The following PPP2R5E variants were observed in gnomAD, a reference collection of about 807,000 sequenced individuals.
The protein encoded by PPP2R5E is protein phosphatase 2 regulatory subunit B'epsilon.
In PPP2R5E, 4 loss-of-function variants were observed where a neutral mutation model predicts 65.3. The ratio of observed to expected loss-of-function variants is 0.06; its 90% CI spans 0.03 to 0.14. The LOEUF (loss-of-function observed/expected upper bound fraction) is 0.14, where lower values mean the gene tolerates loss of function less well. PPP2R5E is among the 10% of genes least tolerant of loss of function. PPP2R5E has a pLI of 1.00. For synonymous variants in PPP2R5E, 183 were observed against 187.4 expected (o/e 0.98, Z 0.19); for missense variants, 274 against 556.1 (o/e 0.49, Z 5.10).
chr14:63,422,729 TAAAAAAAAAAAAA>T (rs567590182), intron 3 of PPP2R5E, among the ~76,000 whole-genome samples: 15,660 of 88,494 alleles, frequency 0.18, 1,303 homozygotes, highest in African/African-American at 0.32. Flanking sequence ...TCCGTCTATT[TAAAAAAAAAAAAA>T]AAAAAAAAAA....
At chr14:63,429,934 T>C (rs960289152) in intron 3 of PPP2R5E, among the ~76,000 whole-genome samples, 2 of 152,100 alleles carry the variant, frequency 1.3e-5, no homozygotes, top group Non-Finnish European at 2.9e-5. Context: ...TCCACCCGCC[T>C]TGGCCTCCCA....
At chr14:63,521,438 G>C (rs552028430) in intron 2 of PPP2R5E, among the ~76,000 whole-genome samples, 49 of 152,328 alleles carry the variant, frequency 3.2e-4, no homozygotes, top group African/African-American at 1.1e-3. Context: ...GGAGGCGGAG[G>C]CGGGCAGACC....
chr14:63,512,009 G>C (rs982250244), intron 2 of PPP2R5E, among the ~76,000 whole-genome samples: 3 of 147,844 alleles, frequency 2.0e-5, no homozygotes, highest in African/African-American at 7.6e-5. Context: ...AACCTGGAAG[G>C]CAGAGGTTGC....
At chr14:63,506,465 T>C (rs990124891) in intron 2 of PPP2R5E, among the ~76,000 whole-genome samples, 1 of 149,198 alleles carries the variant, frequency 6.7e-6, no homozygotes, top group Non-Finnish European at 1.5e-5. Context: ...AAGAAAAAAG[T>C]AATAATAATA....
chr14:63,492,606 C>G (rs1217027867), intron 2 of PPP2R5E, among the ~76,000 whole-genome samples: 1 of 152,110 alleles, frequency 6.6e-6, no homozygotes, highest in Non-Finnish European at 1.5e-5. Flanking sequence ...ACTGGAAATG[C>G]ACTCAGGACA....
At chr14:63,449,787 C>T (rs562150626) in intron 3 of PPP2R5E, among the ~76,000 whole-genome samples, 1 of 145,394 alleles carries the variant, frequency 6.9e-6, no homozygotes, top group African/African-American at 2.5e-5. Flanking sequence ...AACTTGCTCA[C>T]ATTGATGTAG....
chr14:63,381,089 T>A (rs1884327756), intron 13 of PPP2R5E, among the ~76,000 whole-genome samples: 1 of 152,164 alleles, frequency 6.6e-6, no homozygotes, highest in East Asian at 1.9e-4. Flanking sequence ...CAGGCGCAAC[T>A]ACTAAGAGCT....
chr14:63,517,085 G>A (rs566928878), intron 2 of PPP2R5E, among the ~76,000 whole-genome samples: 12 of 152,058 alleles, frequency 7.9e-5, no homozygotes, highest in Non-Finnish European at 1.3e-4. Flanking sequence ...TATTTAAGAG[G>A]CAGAGAACTG....
intron 5 of PPP2R5E, among the ~76,000 whole-genome samples, chr14:63,404,024 G>A (rs74060075): frequency 0.023 from 3,520 of 152,184 alleles, 146 homozygotes; most frequent in African/African-American, 0.081. Context: ...ATGCTGTTTA[G>A]AAATATGGAA....
intron 3 of PPP2R5E, among the ~76,000 whole-genome samples, chr14:63,441,908 TAAA>T (rs11291949): frequency 1.8e-4 from 24 of 133,626 alleles, no homozygotes; most frequent in African/African-American, 1.9e-4. Flanking sequence ...AGACTCCGTC[TAAA>T]AAAAAAAAAA....
chr14:63,472,161 A>G (rs887215252), intron 2 of PPP2R5E, among the ~76,000 whole-genome samples: 5 of 152,148 alleles, frequency 3.3e-5, no homozygotes, highest in Non-Finnish European at 7.4e-5. Context: ...TTAATCGGGC[A>G]TGGTGACAGG....
intron 11 of PPP2R5E, among the ~76,000 whole-genome samples, chr14:63,384,844 T>C (rs61994998): frequency 0.17 from 26,394 of 151,996 alleles, 3,393 homozygotes; most frequent in East Asian, 0.48. Context: ...TACAGGCACA[T>C]GCCACTATGC....
rs184681668 is a variant in PPP2R5E, at chr14:63,516,828, T to C, written c.157+22701A>G. ...AGGCTAATCCTTCGGTTCAGTAATG[T>C]ACTAACTTTGACAGCTTCCAAATAT... On this transcript the variant is annotated intron_variant, in intron 2 of 13. Coordinates refer to ENST00000337537, the MANE Select transcript of PPP2R5E (RefSeq NM_006246.5). 1.4e-3 allele frequency among the ~76,000 whole-genome samples: 209 copies of C among 152,354 alleles called. 2 individuals carry two copies. Among genetic ancestry groups the C allele is most frequent in the African/African-American group, 4.6e-3 (191 of 41,578 alleles).
At chr14:63,455,578 A>G (rs190292669) in intron 2 of PPP2R5E, among the ~76,000 whole-genome samples, 3 of 152,294 alleles carry the variant, frequency 2.0e-5, no homozygotes, top group Admixed American at 2.0e-4. Context: ...CGGTTTTACA[A>G]TATTTAGCCT....
At chr14:63,390,295 G>GACAC (rs59239063) in intron 10 of PPP2R5E, among the ~76,000 whole-genome samples, 7,671 of 140,100 alleles carry the variant, frequency 0.055, 362 homozygotes, top group African/African-American at 0.11. Flanking sequence ...ACGCATTCTC[G>GACAC]ACACACACAC....
chr14:63,477,136 T>C (rs755165607), intron 2 of PPP2R5E, among the ~76,000 whole-genome samples: 4 of 152,112 alleles, frequency 2.6e-5, no homozygotes, highest in Non-Finnish European at 5.9e-5. Flanking sequence ...AGCATCTGCA[T>C]CATTTCGTAA....
intron 2 of PPP2R5E, chr14:63,508,078 A>G: frequency 3.4e-6 from 3 of 890,750 alleles, no homozygotes; most frequent in South Asian, 5.2e-5. Context: ...AAGCCCATAA[A>G]CCCTCACTCC....
At chr14:63,514,293 T>G (rs1420097784) in intron 2 of PPP2R5E, among the ~76,000 whole-genome samples, 1 of 152,128 alleles carries the variant, frequency 6.6e-6, no homozygotes, top group East Asian at 1.9e-4. Context: ...CAGTCACAAC[T>G]GAAAAGATTG....
rs376343113 is a variant in PPP2R5E at position 63,379,852 on chromosome 14, T to C, written c.1304+2204A>G. On this transcript the variant is annotated intron_variant, in intron 13 of 13. Transcript: ENST00000337537. ...TTTTTTTTTTTTTTTTTTTTTTTTT[T>C]GAGACAGAGTCTCACTCCAATGTCC... is the stretch of plus-strand genomic sequence containing the variant. Among the ~76,000 whole-genome samples the C allele has an allele frequency of 6.6e-3, 932 of 140,980 alleles. 21 individuals are homozygous for C. Among genetic ancestry groups the C allele is most frequent in the African/African-American group, 0.023 (845 of 36,464 alleles). The allele number at this position is 140,980 out of a possible 152,430, so 92.5% of individuals were successfully genotyped here. A position where few individuals can be genotyped will look rare whatever the true frequency, so the allele number is the denominator to read the frequency against.
Sources: gnomAD v4.1 joint callset for allele counts (sites outside exome capture counted in the v4.1 genomes callset) on GRCh38, gnomAD v4.1.1 for gene constraint, MANE v1.5 for transcripts, NCBI Gene and HGNC (gene_info 2026-07-23, HGNC 2026-07-21) for gene names.